Variants in DENND2B observed in about 807,000 individuals in gnomAD.
The protein encoded by DENND2B is DENN domain containing 2B, also known as DENN domain-containing protein 2B.
DENND2B carries 32 observed loss-of-function variants against 116.0 expected under a neutral mutation model. That is an observed-to-expected ratio of 0.28 (90% confidence interval 0.21 to 0.37). DENND2B has a LOEUF of 0.37. Among genes scored for constraint, DENND2B ranks in the 10% least tolerant of loss-of-function variants. DENND2B has a pLI of 1.00. For missense variants in DENND2B, 1,276 were observed against 1,477.7 expected (o/e 0.86, Z 2.24); for synonymous variants, 588 against 583.9 (o/e 1.01, Z -0.10).
At chr11:8,695,939 CAGAA>C in intron 18 of DENND2B, 1 of 249,836 alleles carries the variant, frequency 4.0e-6, no homozygotes. Context: ...TGAGGTTAGA[CAGAA>C]AAATTGTGAT....
At chr11:8,901,063 T>A (rs866171790) in intron 1 of DENND2B, among the ~76,000 whole-genome samples, 19 of 151,190 alleles carry the variant, frequency 1.3e-4, no homozygotes, top group Middle Eastern at 3.4e-3. Context: ...AATTTTAATA[T>A]CTTTTCAAAG....
At chr11:8,781,080 C>T (rs1455873873) in intron 1 of DENND2B, among the ~76,000 whole-genome samples, 1 of 152,050 alleles carries the variant, frequency 6.6e-6, no homozygotes, top group Non-Finnish European at 1.5e-5. Flanking sequence ...AGTGATAAAG[C>T]CAAAGGTACC....
rs147500806 is a variant in DENND2B at position 8,696,471 on chromosome 11, G to A, written c.3248C>T (p.Ala1083Val). The A allele has an allele frequency of 6.2e-7, 1 of 1,614,062 alleles. No homozygotes were observed. Among genetic ancestry groups the A allele is most frequent in the African/African-American group, 1.3e-5 (1 of 74,900 alleles). Reference sequence around the variant, plus strand: ...TAGCTCCCTGTCTTGGATGAAGCCAGCAAACATCTGAGACTCCATAAAAAC... The same window carrying A: ...TAGCTCCCTGTCTTGGATGAAGCCAACAAACATCTGAGACTCCATAAAAAC... ...LEVFMESQMFAGFIQDRELRK... is the reference protein window; with the variant it reads ...LEVFMESQMFVGFIQDRELRK... Residue 1083 changes from alanine to valine, a missense_variant, in exon 18 of 20, where the codon GCT becomes GTT. By Grantham distance (64) the Ala-to-Val change is moderately conservative. Around this residue, in one of 2 missense-constraint regions of DENND2B, gnomAD observed 420 missense variants for 631.1 expected, o/e 0.67. Transcript: ENST00000313726.
chr11:8,811,112 T>A (rs1010565657), upstream of DENND2B: 4 of 393,182 alleles, frequency 1.0e-5, no homozygotes, highest in African/African-American at 8.3e-5. Flanking sequence ...TTCCTCTGGG[T>A]CCTGGAGCTC....
chr11:8,892,722 C>A (rs1241483780), intron 1 of DENND2B, among the ~76,000 whole-genome samples: 1 of 152,174 alleles, frequency 6.6e-6, no homozygotes, highest in African/African-American at 2.4e-5. Context: ...CTGAATAGAC[C>A]AATAACAGGC....
At chr11:8,828,161 C>T (rs2062049893) in intron 4 of DENND2B, among the ~76,000 whole-genome samples, 1 of 152,192 alleles carries the variant, frequency 6.6e-6, no homozygotes, top group South Asian at 2.1e-4. Context: ...AGAGCTGTTC[C>T]TGCCTACAGT....
At chr11:8,783,257 T>C (rs1041026312) in intron 1 of DENND2B, among the ~76,000 whole-genome samples, 2 of 152,150 alleles carry the variant, frequency 1.3e-5, no homozygotes, top group Non-Finnish European at 2.9e-5. Context: ...TCTCACTACG[T>C]TGCCCAGGCT....
chr11:8,697,692 G>A (rs773691034), intron 16 of DENND2B, 56 bp from the exon 17 acceptor site: 51 of 1,173,634 alleles, frequency 4.3e-5, no homozygotes, highest in Non-Finnish European at 6.6e-5. Context: ...CACTTACTAT[G>A]TGCTAAGACC....
intron 15 of DENND2B, 64 bp from the exon 16 acceptor site, chr11:8,699,038 C>T: frequency 1.3e-6 from 2 of 1,594,374 alleles, no homozygotes; most frequent in Non-Finnish European, 1.7e-6. Flanking sequence ...CTCTGCCAGG[C>T]CTCCAGACCT....
At position 8,716,953 on chromosome 11, in the gene DENND2B, T is replaced by C. The variant is rs117746981; in HGVS notation, c.1629+788A>G. ...CCACCACTCCCAGCTATGGGGTAAA[T>C]CTTTTATAAAAACAAACACCTTATT... is the stretch of plus-strand genomic sequence containing the variant. On this transcript the variant is annotated intron_variant, in intron 5 of 19. Transcript: ENST00000313726. Among the ~76,000 whole-genome samples the C allele has an allele frequency of 6.4e-3, 971 of 152,332 alleles. 6 individuals carry two copies. Among genetic ancestry groups the C allele is most frequent in the Non-Finnish European group, 0.011 (781 of 68,028 alleles).
At chr11:8,792,063 G>T (rs1204651027) in intron 1 of DENND2B, among the ~76,000 whole-genome samples, 1 of 151,908 alleles carries the variant, frequency 6.6e-6, no homozygotes, top group Non-Finnish European at 1.5e-5. Context: ...AAATTAGCTG[G>T]GCATGATGGT....
At chr11:8,778,368 T>A (rs1301059953) in intron 1 of DENND2B, among the ~76,000 whole-genome samples, 2 of 152,172 alleles carry the variant, frequency 1.3e-5, no homozygotes, top group African/African-American at 4.8e-5. Flanking sequence ...GAAGACCTAG[T>A]GCACACTATC....
chr11:8,750,058 T>G (rs900838449), intron 2 of DENND2B, among the ~76,000 whole-genome samples: 4 of 152,242 alleles, frequency 2.6e-5, no homozygotes, highest in Admixed American at 1.3e-4. Context: ...CTCTGTAAGA[T>G]AACTACTATT....
intron 1 of DENND2B, among the ~76,000 whole-genome samples, chr11:8,908,286 C>T (rs1359480680): frequency 6.6e-6 from 1 of 152,036 alleles, no homozygotes; most frequent in African/African-American, 2.4e-5. Context: ...AAGAGCTGAC[C>T]TGACAAAAAG....
intron 2 of DENND2B, among the ~76,000 whole-genome samples, chr11:8,741,361 G>A (rs2050174732): frequency 6.6e-6 from 1 of 152,192 alleles, no homozygotes. Context: ...AAGGAGCAGT[G>A]GCAAGTGAAC....
intron 1 of DENND2B, among the ~76,000 whole-genome samples, chr11:8,794,333 G>A (rs1300118453): frequency 1.3e-5 from 2 of 152,210 alleles, no homozygotes; most frequent in Non-Finnish European, 2.9e-5. Flanking sequence ...ACCTAGGACT[G>A]AATCCAAGTT....
intron 1 of DENND2B, among the ~76,000 whole-genome samples, chr11:8,900,787 T>C (rs1479367167): frequency 1.3e-5 from 2 of 151,556 alleles, no homozygotes; most frequent in Non-Finnish European, 2.9e-5. Context: ...GCCAATATGG[T>C]GAAACCCTCT....
chr11:8,718,586 G>A, intron 4 of DENND2B: 1 of 1,357,656 alleles, frequency 7.4e-7, no homozygotes, highest in South Asian at 1.9e-5. Context: ...GCTGATCTCA[G>A]CAAAAAGAGA....
chr11:8,772,886 A>C (rs1235581249), intron 1 of DENND2B, among the ~76,000 whole-genome samples: 2 of 151,900 alleles, frequency 1.3e-5, no homozygotes, highest in East Asian at 3.9e-4. Context: ...CAGCGCACCA[A>C]TTTTCAATGC....
Sources: gnomAD v4.1 joint callset for allele counts (sites outside exome capture counted in the v4.1 genomes callset) on GRCh38, gnomAD v4.1.1 for gene constraint, gnomAD v4.1.1 regional missense constraint, MANE v1.5 for transcripts, NCBI Gene and HGNC (gene_info 2026-07-23, HGNC 2026-07-21) for gene names.